MYO3B: variants seen among roughly 807,000 people sequenced by gnomAD.
The protein encoded by MYO3B is myosin IIIB.
A neutral mutation model predicts 174.6 loss-of-function variants in MYO3B; 156 were observed. The observed-to-expected ratio is 0.89, with a 90% confidence interval of 0.78 to 1.02. MYO3B has a LOEUF of 1.02. Among genes scored for constraint, MYO3B ranks in the 50% least tolerant of loss-of-function variants. MYO3B has a pLI of 0.00. For synonymous variants in MYO3B, 563 were observed against 569.1 expected (o/e 0.99, Z 0.15); for missense variants, 1,632 against 1,639.4 (o/e 1.00, Z 0.08).
rs2094319982 is a variant in MYO3B, at chr2:170,379,469, A to G, written c.972-2547A>G. 2.0e-5 allele frequency among the ~76,000 whole-genome samples: 3 copies of G among 152,204 alleles called. No homozygotes were observed. In the South Asian group the frequency reaches 6.2e-4, roughly 31 times the overall value. Reference sequence around the variant, plus strand: ...TGGCCGCCCAAAGTGCTGGGATTACAGGCGTGAACCACTGTACCCAGCCAG... The same window carrying G: ...TGGCCGCCCAAAGTGCTGGGATTACGGGCGTGAACCACTGTACCCAGCCAG... On this transcript the variant is annotated intron_variant, in intron 9 of 34. Transcript: ENST00000408978.
intron 32 of MYO3B, among the ~76,000 whole-genome samples, chr2:170,613,725 G>A (rs1695266371): frequency 1.3e-5 from 2 of 152,170 alleles, no homozygotes; most frequent in Admixed American, 1.3e-4. Context: ...CTAATCAGCT[G>A]CCAGTGTGGC....
chr2:170,264,556 C>T (rs914718988), intron 7 of MYO3B, among the ~76,000 whole-genome samples: 1 of 152,178 alleles, frequency 6.6e-6, no homozygotes, highest in Admixed American at 6.5e-5. Context: ...ATCCACCATG[C>T]AGACATTCAA....
Position 170,369,831 on chromosome 2 carries a change from C to T in MYO3B, c.971+454C>T, listed in dbSNP as rs1409687115. On this transcript the variant is annotated intron_variant, in intron 9 of 34. Coordinates refer to ENST00000408978, the MANE Select transcript of MYO3B (RefSeq NM_138995.5). The stretch of plus-strand genomic sequence containing the variant: ...GATTTTGGAAAGATTATGAGCTAAA[C>T]ACCGAAGGCTGTTTCTCTAATGTGC... 2.0e-5 allele frequency among the ~76,000 whole-genome samples: 3 copies of T among 152,088 alleles called. No individual in the cohort carries two copies. The East Asian group carries it at 5.8e-4, about 29-fold the overall frequency.
At chr2:170,190,060 C>A (rs1177862575) in intron 1 of MYO3B, among the ~76,000 whole-genome samples, 3 of 152,210 alleles carry the variant, frequency 2.0e-5, no homozygotes, top group African/African-American at 7.2e-5. Context: ...TCAGGGGACA[C>A]CCCAAGCCCA....
At chr2:170,269,154 G>A (rs1269180736) in intron 7 of MYO3B, among the ~76,000 whole-genome samples, 1 of 152,164 alleles carries the variant, frequency 6.6e-6, no homozygotes, top group Non-Finnish European at 1.5e-5. Context: ...GCCATACAGA[G>A]TGTGAGCCCG....
At chr2:170,407,982 C>G in intron 22 of MYO3B, 138 bp downstream of exon 22, 1 of 1,021,422 alleles carries the variant, frequency 9.8e-7, no homozygotes, top group Non-Finnish European at 1.4e-6. Flanking sequence ...GGTCTAAATT[C>G]AAGAAAAGGA....
At chr2:170,322,932 A>G (rs1028398360) in intron 7 of MYO3B, among the ~76,000 whole-genome samples, 1 of 152,116 alleles carries the variant, frequency 6.6e-6, no homozygotes, top group Non-Finnish European at 1.5e-5. Context: ...TGATGGTACA[A>G]TCTGTTCATC....
At chr2:170,649,853 G>C (rs908373263) in intron 32 of MYO3B, 1 of 27,702 alleles carries the variant, frequency 3.6e-5, no homozygotes, top group Non-Finnish European at 5.7e-5. Flanking sequence ...ATATGCTATA[G>C]TGTAAAAAAA....
intron 23 of MYO3B, among the ~76,000 whole-genome samples, chr2:170,456,720 A>T (rs1683929422): frequency 6.6e-6 from 1 of 152,252 alleles, no homozygotes; most frequent in African/African-American, 2.4e-5. Context: ...TGATGGAAGG[A>T]GAACTAATGT....
chr2:170,340,546 G>C (rs941992354), intron 8 of MYO3B: 3 of 152,206 alleles, frequency 2.0e-5, no homozygotes, highest in African/African-American at 7.2e-5. Flanking sequence ...TTTAATGTAA[G>C]TTTTATGTGA....
intron 1 of MYO3B, among the ~76,000 whole-genome samples, chr2:170,181,257 A>C (rs2092395255): frequency 6.6e-6 from 1 of 152,126 alleles, no homozygotes; most frequent in Non-Finnish European, 1.5e-5. Flanking sequence ...AGTATGTAGA[A>C]ATATAATTGA....
At chr2:170,591,874 C>A (rs1012853073) in intron 32 of MYO3B, among the ~76,000 whole-genome samples, 1 of 152,214 alleles carries the variant, frequency 6.6e-6, no homozygotes, top group African/African-American at 2.4e-5. Flanking sequence ...AATCTAGAAC[C>A]AGCTGCAAAT....
At chr2:170,460,948 A>AT (rs1255057527) in intron 23 of MYO3B, among the ~76,000 whole-genome samples, 2 of 152,304 alleles carry the variant, frequency 1.3e-5, no homozygotes, top group East Asian at 3.9e-4. Flanking sequence ...CACATCAAGG[A>AT]TTTTTTGGTC....
intron 32 of MYO3B, among the ~76,000 whole-genome samples, chr2:170,593,207 C>A (rs1033685219): frequency 1.1e-4 from 16 of 152,166 alleles, no homozygotes; most frequent in African/African-American, 3.9e-4. Flanking sequence ...AAGCGATCCC[C>A]CCACCTCAGC....
chr2:170,388,973 G>A (rs2094394685), intron 14 of MYO3B, among the ~76,000 whole-genome samples: 1 of 152,266 alleles, frequency 6.6e-6, no homozygotes, highest in East Asian at 1.9e-4. Flanking sequence ...CCAGGTTAGG[G>A]TGGTTTTAAA....
At chr2:170,623,278 G>C (rs1252196482) in intron 32 of MYO3B, among the ~76,000 whole-genome samples, 2 of 152,218 alleles carry the variant, frequency 1.3e-5, no homozygotes, top group African/African-American at 4.8e-5. Flanking sequence ...ACTGGTGTGA[G>C]ATGGTATCTC....
At chr2:170,445,990 A>G (rs75739110) in intron 23 of MYO3B, among the ~76,000 whole-genome samples, 1 of 46,218 alleles carries the variant, frequency 2.2e-5, no homozygotes, top group East Asian at 5.4e-4. Context: ...TTACCAATGG[A>G]AAAATCACAA....
rs2093940490 is a variant in MYO3B at position 170,335,398 on chromosome 2, A to G, written c.763A>G (p.Thr255Ala). 6.2e-7 allele frequency: 1 copy of G among 1,610,866 alleles called. No homozygotes were observed. The highest frequency in any genetic ancestry group is 8.5e-7 in the Non-Finnish European group (1 of 1,178,522). ...LFKIPRNPPP[T>A]LLHPEKWCEE... ...TTATTTTTTCAGAAATCCTCCACCT[A>G]CTTTACTTCATCCAGAAAAATGGTG... The change falls in exon 8 of 35, where the codon ACT becomes GCT. Residue 255 changes from threonine (T) to alanine (A), a missense_variant. Physicochemically the swap from Thr to Ala is moderately conservative, Grantham distance 58. Transcript: ENST00000408978.
intron 7 of MYO3B, among the ~76,000 whole-genome samples, chr2:170,263,314 G>C (rs1343125067): frequency 6.6e-6 from 1 of 152,166 alleles, no homozygotes; most frequent in Non-Finnish European, 1.5e-5. Context: ...TGAAGGGCTG[G>C]CCTGCCCCTC....
Sources: gnomAD v4.1 joint callset for allele counts (sites outside exome capture counted in the v4.1 genomes callset) on GRCh38, gnomAD v4.1.1 for gene constraint, MANE v1.5 for transcripts, NCBI Gene and HGNC (gene_info 2026-07-23, HGNC 2026-07-21) for gene names.